Variants in CAPN13 observed in about 807,000 individuals in gnomAD.
CAPN13 encodes the protein calpain 13, also known as calpain-13.
Under a neutral mutation model 98.4 loss-of-function variants are expected in CAPN13, and 90 were observed. The ratio of observed to expected loss-of-function variants is 0.92; its 90% CI spans 0.77 to 1.09. The LOEUF (loss-of-function observed/expected upper bound fraction) is 1.09. Among genes scored for constraint, CAPN13 ranks in the 50% least tolerant of loss-of-function variants. CAPN13 has a pLI of 0.00. For missense variants in CAPN13, 887 were observed against 841.3 expected, an observed-to-expected ratio of 1.05 and a Z score of -0.67; for synonymous variants, 330 against 305.5, an observed-to-expected ratio of 1.08 and a Z score of -0.84.
In CAPN13 at chr2:30,738,265, A is replaced by T; in HGVS notation, c.1623T>A (p.Asp541Glu). 1 of 1,614,000 alleles carries T rather than the reference A, an allele frequency of 6.2e-7. No individual in the cohort carries two copies. Among genetic ancestry groups the T allele is most frequent in the Non-Finnish European group, 8.5e-7 (1 of 1,179,882 alleles). Residue 541 changes from aspartate (D) to glutamate (E), a missense_variant, in exon 17 of 23, where the codon GAT (aspartate) becomes GAA (glutamate). Asp to Glu is a conservative substitution (Grantham distance 45). Transcript: ENST00000295055. ...TGPPGDMFSL[D>E]ECRSLVALME... ...TCAGAGCCACCAAGCTGCGGCACTC[A>T]TCTAAGGAGAACATGTCCCCTGGAG...
At chr2:30,774,375 AAAAC>A (rs926855431) in intron 4 of CAPN13, among the ~76,000 whole-genome samples, 22 of 152,244 alleles carry the variant, frequency 1.4e-4, no homozygotes, top group African/African-American at 5.0e-4. Context: ...GATTTGTCAA[AAAAC>A]AAACAAACAC....
At chr2:30,791,548 A>C (rs977235264) in intron 1 of CAPN13, among the ~76,000 whole-genome samples, 1 of 152,258 alleles carries the variant, frequency 6.6e-6, no homozygotes, top group African/African-American at 2.4e-5. Context: ...GAAATTCACA[A>C]AAAGCTCCAA....
At chr2:30,790,582 A>G (rs1674552397) in intron 1 of CAPN13, among the ~76,000 whole-genome samples, 1 of 152,214 alleles carries the variant, frequency 6.6e-6, no homozygotes, top group Admixed American at 6.5e-5. Context: ...CTTGGTGTCT[A>G]CGAAACGAGC....
intron 4 of CAPN13, among the ~76,000 whole-genome samples, chr2:30,773,724 A>G (rs538485439): frequency 2.5e-3 from 388 of 152,334 alleles, no homozygotes; most frequent in Non-Finnish European, 3.4e-3. Flanking sequence ...TGAAAGCATA[A>G]GAAGAATTCT....
intron 1 of CAPN13, among the ~76,000 whole-genome samples, chr2:30,789,567 GT>G (rs2148079196): frequency 6.6e-6 from 1 of 152,316 alleles, no homozygotes; most frequent in African/African-American, 2.4e-5. Context: ...GGCCCCCACT[GT>G]GCACTATTGG....
At chr2:30,727,276 C>T (rs575207479) in intron 22 of CAPN13, among the ~76,000 whole-genome samples, 2 of 152,082 alleles carry the variant, frequency 1.3e-5, no homozygotes, top group Non-Finnish European at 2.9e-5. Context: ...CTCAGCTATA[C>T]CACCAAAAAT....
intron 7 of CAPN13, among the ~76,000 whole-genome samples, chr2:30,762,784 C>G (rs1261025346): frequency 6.6e-6 from 1 of 152,228 alleles, no homozygotes; most frequent in African/African-American, 2.4e-5. Flanking sequence ...GTAGTTCATT[C>G]TACCTCCTTT....
intron 3 of CAPN13, among the ~76,000 whole-genome samples, chr2:30,776,248 T>G (rs1290737972): frequency 6.6e-6 from 1 of 152,088 alleles, no homozygotes; most frequent in African/African-American, 2.4e-5. Context: ...GTGGTGGTGG[T>G]GTTCATGGAG....
At chr2:30,766,514 T>C (rs188630992) in intron 5 of CAPN13, among the ~76,000 whole-genome samples, 5 of 152,304 alleles carry the variant, frequency 3.3e-5, no homozygotes, top group Admixed American at 2.0e-4. Flanking sequence ...TTCAGGAACA[T>C]GGCAACTATT....
At chr2:30,749,977 T>C (rs1384966557) in intron 11 of CAPN13, among the ~76,000 whole-genome samples, 2 of 152,196 alleles carry the variant, frequency 1.3e-5, no homozygotes, top group Non-Finnish European at 2.9e-5. Context: ...CAAAGGAATA[T>C]AAAGCATTCT....
At chr2:30,790,070 T>C (rs1674524978) in intron 1 of CAPN13, among the ~76,000 whole-genome samples, 1 of 152,202 alleles carries the variant, frequency 6.6e-6, no homozygotes, top group African/African-American at 2.4e-5. Context: ...CAGGGGAAGC[T>C]TGTTCCCGCC....
chr2:30,755,386 C>T (rs1672392680), intron 8 of CAPN13, among the ~76,000 whole-genome samples: 1 of 152,156 alleles, frequency 6.6e-6, no homozygotes, highest in Non-Finnish European at 1.5e-5. Flanking sequence ...GCTGGCCATC[C>T]TATCATCACA....
intron 2 of CAPN13, among the ~76,000 whole-genome samples, chr2:30,778,117 G>A (rs570848672): frequency 2.6e-5 from 4 of 152,342 alleles, no homozygotes; most frequent in African/African-American, 9.6e-5. Flanking sequence ...GTCTAGCCGT[G>A]TGCTGTAAGG....
chr2:30,723,099 A>G lies in CAPN13; in HGVS notation c.*168T>C, dbSNP rs2103475099. ...TTAACTGGGCCTGGGCCAGCCAAGG[A>G]CCGAACCCAGGCTGTTGGGAGACAG... is the stretch of plus-strand genomic sequence containing the variant. On this transcript the variant is annotated 3_prime_UTR_variant, in exon 23 of 23. Coordinates refer to ENST00000295055, the MANE Select transcript of CAPN13 (RefSeq NM_144575.3). The G allele has an allele frequency of 6.6e-6, 1 of 152,390 alleles. No individual in the cohort carries two copies. The highest frequency in any genetic ancestry group is 2.1e-4 in the South Asian group (1 of 4,832). The allele number at this position is 152,390 out of a possible 1,614,324, so 9.4% of individuals were successfully genotyped here. A position where few individuals can be genotyped will look rare whatever the true frequency, so the allele number is the denominator to read the frequency against.
intron 2 of CAPN13, among the ~76,000 whole-genome samples, chr2:30,778,846 G>A (rs980138339): frequency 6.6e-6 from 1 of 152,184 alleles, no homozygotes; most frequent in Admixed American, 6.5e-5. Context: ...GGGACCCTGG[G>A]GTGGCACCAG....
At position 30,772,096 on chromosome 2, in the gene CAPN13, C is replaced by T. The variant is rs143570426; in HGVS notation, c.388-1647G>A. On this transcript the variant is annotated intron_variant, in intron 4 of 22. Transcript: ENST00000295055. ...ACACCAGTAATGCTGACCAAACTTG[C>T]TCTCCCTATACAAAGGGGACATCAG... 1.2e-3 allele frequency among the ~76,000 whole-genome samples: 190 copies of T among 152,300 alleles called. 1 individual carries two copies. Among genetic ancestry groups the T allele is most frequent in the African/African-American group, 4.1e-3 (171 of 41,560 alleles).
chr2:30,767,471 C>T (rs773249509), intron 5 of CAPN13, among the ~76,000 whole-genome samples: 3 of 152,174 alleles, frequency 2.0e-5, no homozygotes, highest in Non-Finnish European at 4.4e-5. Context: ...TGTCCTTCTG[C>T]AAGATTTCTA....
intron 7 of CAPN13, among the ~76,000 whole-genome samples, chr2:30,759,836 C>T (rs138941927): frequency 1.7e-3 from 256 of 152,300 alleles, no homozygotes; most frequent in Admixed American, 3.2e-3. Flanking sequence ...GACCCTTGAG[C>T]CACCTGGTCA....
chr2:30,753,211 G>T lies in CAPN13; in HGVS notation c.942-13C>A. ...TTGACACGACATCCTGTTAAAAACA[G>T]ATATACATCACTCAGTGACCAGGGG... On this transcript the variant is annotated splice_polypyrimidine_tract_variant and intron_variant, in intron 9 of 22. Coordinates refer to ENST00000295055, the MANE Select transcript of CAPN13 (RefSeq NM_144575.3). 1 of 1,613,746 alleles carries T rather than the reference G, an allele frequency of 6.2e-7. No homozygotes were observed. Among genetic ancestry groups the T allele is most frequent in the Non-Finnish European group, 8.5e-7 (1 of 1,179,738 alleles).
Sources: gnomAD v4.1 joint callset for allele counts (sites outside exome capture counted in the v4.1 genomes callset) on GRCh38, gnomAD v4.1.1 for gene constraint, MANE v1.5 for transcripts, NCBI Gene and HGNC (gene_info 2026-07-23, HGNC 2026-07-21) for gene names.